The following RPE variants were observed in gnomAD, a reference collection of about 807,000 sequenced individuals.
RPE encodes ribulose-5-phosphate-3-epimerase, also known as ribulose-phosphate 3-epimerase.
A neutral mutation model predicts 24.6 loss-of-function variants in RPE; 16 were observed. The ratio of observed to expected loss-of-function variants is 0.65; its 90% CI spans 0.44 to 0.99. The LOEUF is 0.99. RPE is among the 50% of genes least tolerant of loss of function. The pLI, the probability that RPE is intolerant of heterozygous loss-of-function variation, is 0.00. For synonymous variants in RPE, 93 were observed against 98.4 expected (o/e 0.94, Z 0.33); for missense variants, 240 against 294.5 (o/e 0.81, Z 1.35).
intron 5 of RPE, 117 bp downstream of exon 5, chr2:210,017,676 A>G (rs2093793119): frequency 1.1e-6 from 1 of 949,968 alleles, no homozygotes. Flanking sequence ...CTTTCTTGGA[A>G]AAGTATTTTT....
chr2:210,011,018 A>G (rs1283495786), intron 2 of RPE, among the ~76,000 whole-genome samples: 1 of 152,242 alleles, frequency 6.6e-6, no homozygotes, highest in African/African-American at 2.4e-5. Context: ...CACATATTGT[A>G]CAGTGCAGCT....
chr2:210,020,715 A>C lies in RPE; in HGVS notation c.*924A>C, dbSNP rs1487095951. On this transcript the variant is annotated 3_prime_UTR_variant, in exon 6 of 6. Coordinates refer to ENST00000359429, the MANE Select transcript of RPE (RefSeq NM_199229.3). ...AGTAAACAGCATTATATAAGTTTAT[A>C]TTTTTGTGAGTTATAAAGTACTTTG... 1 of 165,562 alleles carries C rather than the reference A, an allele frequency of 6.0e-6. No individual in the cohort carries two copies. Among genetic ancestry groups the C allele is most frequent in the African/African-American group, 2.4e-5 (1 of 41,458 alleles). The allele number at this position is 165,562 out of a possible 1,614,324, so 10.3% of individuals were successfully genotyped here. A position where few individuals can be genotyped will look rare whatever the true frequency, so the allele number is the denominator to read the frequency against.
intron 5 of RPE, 46 bp downstream of exon 5, chr2:210,017,605 A>G (rs2093791741): frequency 1.3e-6 from 2 of 1,557,388 alleles, no homozygotes; most frequent in East Asian, 4.5e-5. Flanking sequence ...CCCGTCAAAT[A>G]TGTCTCCAGG....
At chr2:210,015,902 A>G (rs1045016978) in intron 2 of RPE, 71 bp from the exon 3 acceptor site, 54 of 1,557,956 alleles carry the variant, frequency 3.5e-5, no homozygotes, top group Non-Finnish European at 4.6e-5. Flanking sequence ...CAAAAACTAC[A>G]TACAGGTTGG....
intron 2 of RPE, among the ~76,000 whole-genome samples, chr2:210,014,950 GT>G (rs111920168): frequency 1.2e-4 from 19 of 152,234 alleles, no homozygotes; most frequent in African/African-American, 4.6e-4. Flanking sequence ...ATGCTATTAT[GT>G]TTTAAATCAA....
At chr2:210,014,853 C>T (rs1232473463) in intron 2 of RPE, among the ~76,000 whole-genome samples, 1 of 152,002 alleles carries the variant, frequency 6.6e-6, no homozygotes, top group East Asian at 1.9e-4. Flanking sequence ...TAAAACCTCT[C>T]CTCACTACCA....
intron 5 of RPE, chr2:210,017,838 G>T (rs774968404): frequency 1.7e-6 from 1 of 572,230 alleles, no homozygotes; most frequent in Non-Finnish European, 3.1e-6. Flanking sequence ...TCTGCCTGCC[G>T]GGTTCAAGCG....
At chr2:210,019,646 A>G (rs752930551) in intron 5 of RPE, 23 bp from the exon 6 acceptor site, 5 of 1,610,410 alleles carry the variant, frequency 3.1e-6, no homozygotes, top group South Asian at 1.1e-5. Flanking sequence ...TTGAGGCATA[A>G]CCTAACTGTT....
rs555251801 is a variant in RPE, at chr2:210,021,506, C to T, written c.*1715C>T. 1 of 152,648 alleles carries T rather than the reference C, an allele frequency of 6.6e-6. No homozygotes were observed. The highest frequency in any genetic ancestry group is 2.1e-4 in the South Asian group (1 of 4,826). The allele number at this position is 152,648 out of a possible 1,614,324, so 9.5% of individuals were successfully genotyped here. On this transcript the variant is annotated 3_prime_UTR_variant, in exon 6 of 6. Transcript: ENST00000359429. ...AAAGATTTGAGTTTATTTGCCTGGA[C>T]AACTTGGGTTTGTCTGGCTTTTGTT...
At chr2:210,003,165 A>G (rs921730338) in intron 1 of RPE, among the ~76,000 whole-genome samples, 13 of 152,326 alleles carry the variant, frequency 8.5e-5, no homozygotes, top group African/African-American at 3.1e-4. Flanking sequence ...CTGGGGAAAC[A>G]GACTTCTCTA....
At chr2:210,018,815 G>A (rs2125092219) in intron 5 of RPE, 3 of 378,328 alleles carry the variant, frequency 7.9e-6, no homozygotes, top group Non-Finnish European at 1.1e-5. Flanking sequence ...TGGAACACTA[G>A]GCATAAATGG....
chr2:210,019,559 A>G, intron 5 of RPE, 110 bp from the exon 6 acceptor site: 1 of 1,320,826 alleles, frequency 7.6e-7, no homozygotes, highest in South Asian at 1.7e-5. Context: ...TGGCTCTCAT[A>G]TGATTGAAAT....
chr2:210,019,111 A>T (rs2093820321), intron 5 of RPE, among the ~76,000 whole-genome samples: 1 of 152,138 alleles, frequency 6.6e-6, no homozygotes. Flanking sequence ...ATTTAAATGT[A>T]TCTTAAAAAC....
chr2:210,017,147 C>G (rs1164544959), intron 4 of RPE, among the ~76,000 whole-genome samples: 1 of 152,150 alleles, frequency 6.6e-6, no homozygotes, highest in African/African-American at 2.4e-5. Flanking sequence ...GCCTGGAAGT[C>G]TTGAAATTTC....
chr2:210,005,960 C>T (rs764784879), intron 1 of RPE, among the ~76,000 whole-genome samples: 9 of 152,016 alleles, frequency 5.9e-5, no homozygotes, highest in Admixed American at 1.3e-4. Flanking sequence ...GTTAGAATTA[C>T]GTAAGTAAAG....
At chr2:210,015,583 G>T (rs539632037) in intron 2 of RPE, among the ~76,000 whole-genome samples, 1 of 152,134 alleles carries the variant, frequency 6.6e-6, no homozygotes, top group Non-Finnish European at 1.5e-5. Context: ...GCAATAGCTC[G>T]ATAAATTGAA....
chr2:210,016,764 C>T (rs564573455), intron 4 of RPE, 123 bp downstream of exon 4: 2 of 1,333,818 alleles, frequency 1.5e-6, no homozygotes, highest in Admixed American at 2.0e-5. Flanking sequence ...GGGATGCTTA[C>T]AGATCATTCT....
intron 5 of RPE, chr2:210,018,015 G>C: frequency 1.1e-6 from 1 of 888,720 alleles, no homozygotes; most frequent in South Asian, 1.8e-5. Context: ...AAAGTGTTGG[G>C]ATTACAGATG....
chr2:210,018,570 TATCAA>T, intron 5 of RPE: 3 of 985,242 alleles, frequency 3.0e-6, no homozygotes, highest in Non-Finnish European at 3.6e-6. Context: ...GATATATACC[TATCAA>T]AAGCTTGACA....
Sources: gnomAD v4.1 joint callset for allele counts (sites outside exome capture counted in the v4.1 genomes callset) on GRCh38, gnomAD v4.1.1 for gene constraint, MANE v1.5 for transcripts, NCBI Gene and HGNC (gene_info 2026-07-23, HGNC 2026-07-21) for gene names.